Variants in CDK19 observed in about 807,000 individuals in gnomAD.
CDK19 encodes the protein cyclin-dependent kinase 19.
A neutral mutation model predicts 68.3 loss-of-function variants in CDK19; 20 were observed. The observed-to-expected ratio is 0.29, with a 90% CI of 0.21 to 0.43. The LOEUF (loss-of-function observed/expected upper bound fraction) is 0.43. Among genes scored for constraint, CDK19 ranks in the 20% least tolerant of loss-of-function variants. The probability of loss-of-function intolerance (pLI) is 1.00; values close to 1 mark genes in which losing one functional copy is unlikely to be tolerated. For missense variants in CDK19, 339 were observed against 623.5 expected, an observed-to-expected ratio of 0.54 and a Z score of 4.86; for synonymous variants, 221 against 222.8, an observed-to-expected ratio of 0.99 and a Z score of 0.07.
chr6:110,814,427 T>C (rs1218734340), intron 1 of CDK19, among the ~76,000 whole-genome samples: 1 of 152,172 alleles, frequency 6.6e-6, no homozygotes, highest in South Asian at 2.1e-4. Context: ...ATGGGAGGAC[T>C]GCATAGAGAA....
At position 110,621,375 on chromosome 6, in the gene CDK19, TA is replaced by T. The variant is rs761769101; in HGVS notation, c.1111-6del. ...GTTCTGCTGCTGTTGCTGATTCTTTTAAGGGGAAAAAAGCAAGCTTGGTATG... is the reference window on the plus strand; with the variant it reads ...GTTCTGCTGCTGTTGCTGATTCTTTTAGGGGAAAAAAGCAAGCTTGGTATG... On this transcript the variant is annotated splice_region_variant and splice_polypyrimidine_tract_variant and intron_variant, in intron 11 of 12. Transcript: ENST00000368911. The surrounding 1 kb of genome is among the most constrained non-coding windows in gnomAD (Gnocchi z 5.4). 1.4e-5 allele frequency: 22 copies of T among 1,529,906 alleles called. No individual in the cohort carries two copies. The South Asian group carries it at 2.1e-4, about 14-fold the overall frequency. 94.8% of individuals were successfully genotyped at this position (1,529,906 alleles called of 1,614,324 possible). A position where few individuals can be genotyped will look rare whatever the true frequency, so the allele number is the denominator to read the frequency against.
chr6:110,642,616 A>G (rs546108890), intron 4 of CDK19, among the ~76,000 whole-genome samples: 1 of 152,194 alleles, frequency 6.6e-6, no homozygotes, highest in Non-Finnish European at 1.5e-5. Context: ...ATGGCTGACT[A>G]AGTGCTCTGA....
intron 2 of CDK19, among the ~76,000 whole-genome samples, chr6:110,733,824 A>G (rs1235131753): frequency 1.3e-5 from 2 of 152,180 alleles, no homozygotes; most frequent in East Asian, 3.9e-4. Flanking sequence ...AGTATTTTCT[A>G]TCTTCAAGTG....
At chr6:110,705,947 G>A (rs1292997824) in intron 2 of CDK19, among the ~76,000 whole-genome samples, 4 of 151,886 alleles carry the variant, frequency 2.6e-5, no homozygotes, top group Non-Finnish European at 5.9e-5. Context: ...GTATACCTAT[G>A]TAATAAACCT....
intron 1 of CDK19, among the ~76,000 whole-genome samples, chr6:110,788,711 G>C (rs576299368): frequency 8.5e-5 from 13 of 152,048 alleles, no homozygotes; most frequent in South Asian, 6.3e-4. Context: ...TACACCTTTT[G>C]GCATAGCTGG....
intron 2 of CDK19, among the ~76,000 whole-genome samples, chr6:110,719,753 CAG>C (rs1483595446): frequency 3.9e-5 from 6 of 151,972 alleles, no homozygotes; most frequent in Non-Finnish European, 8.8e-5. Context: ...TGTTTTGAGA[CAG>C]AGTCTCACTC....
chr6:110,636,114 T>C (rs1779762019), intron 5 of CDK19, among the ~76,000 whole-genome samples: 1 of 151,998 alleles, frequency 6.6e-6, no homozygotes. Flanking sequence ...TGCTAAGGAG[T>C]ACTAAGAGAA....
At chr6:110,692,919 C>G (rs1773136188) in intron 2 of CDK19, among the ~76,000 whole-genome samples, 1 of 152,104 alleles carries the variant, frequency 6.6e-6, no homozygotes, top group Non-Finnish European at 1.5e-5. Context: ...ATCACTTGAA[C>G]CCGGGAGAAG....
intron 1 of CDK19, among the ~76,000 whole-genome samples, 166 bp from the exon 2 acceptor site, chr6:110,746,367 T>C (rs976889540): frequency 2.0e-5 from 3 of 152,198 alleles, no homozygotes; most frequent in Non-Finnish European, 4.4e-5. Flanking sequence ...TACAGAAATA[T>C]GAGATACCAA....
intron 12 of CDK19, among the ~76,000 whole-genome samples, chr6:110,615,626 T>A (rs1159034549): frequency 1.3e-5 from 2 of 152,362 alleles, no homozygotes; most frequent in African/African-American, 2.4e-5. Flanking sequence ...TCTTGGTCAT[T>A]GCTGGGCATG....
intron 4 of CDK19, among the ~76,000 whole-genome samples, chr6:110,662,061 C>T (rs977117726): frequency 1.8e-4 from 28 of 152,136 alleles, no homozygotes; most frequent in Non-Finnish European, 2.9e-4. Context: ...TCTCTGCCTC[C>T]CAGGTTCAAG....
At chr6:110,622,006 A>ATAG in intron 11 of CDK19, 82 bp downstream of exon 11, 1 of 716,358 alleles carries the variant, frequency 1.4e-6, no homozygotes, top group South Asian at 2.3e-5. Flanking sequence ...GGTTAAATGT[A>ATAG]TAGGAATTAT....
At chr6:110,716,083 A>G (rs1249067228) in intron 2 of CDK19, among the ~76,000 whole-genome samples, 2 of 152,120 alleles carry the variant, frequency 1.3e-5, no homozygotes, top group Non-Finnish European at 2.9e-5. Flanking sequence ...TAATATTATA[A>G]TTTCTCTTCT....
chr6:110,699,525 A>G (rs1296765603), intron 2 of CDK19, among the ~76,000 whole-genome samples: 1 of 152,008 alleles, frequency 6.6e-6, no homozygotes, highest in African/African-American at 2.4e-5. Flanking sequence ...GAGCTAAGCT[A>G]TGGATACACA....
intron 4 of CDK19, among the ~76,000 whole-genome samples, chr6:110,639,366 GGAGA>G (rs149176566): frequency 1.6e-4 from 25 of 152,326 alleles, no homozygotes; most frequent in African/African-American, 5.8e-4. Flanking sequence ...TTTGGAAGGG[GGAGA>G]GAGTGAGTCT....
At chr6:110,654,785 A>G (rs1781196028) in intron 4 of CDK19, among the ~76,000 whole-genome samples, 1 of 152,200 alleles carries the variant, frequency 6.6e-6, no homozygotes, top group African/African-American at 2.4e-5. Flanking sequence ...TACTAAAAAT[A>G]CAAAAAATTA....
intron 2 of CDK19, among the ~76,000 whole-genome samples, chr6:110,744,203 C>T (rs1437536766): frequency 1.3e-5 from 2 of 151,814 alleles, no homozygotes; most frequent in African/African-American, 4.8e-5. Flanking sequence ...GGTGGGATTT[C>T]CCCATATTGG....
At chr6:110,707,895 C>A (rs1420317880) in intron 2 of CDK19, among the ~76,000 whole-genome samples, 1 of 152,062 alleles carries the variant, frequency 6.6e-6, no homozygotes, top group Non-Finnish European at 1.5e-5. Context: ...TCTCTTGAAC[C>A]CGGGAGGCAG....
chr6:110,759,426 A>ATATAT (rs1401012805), intron 1 of CDK19, among the ~76,000 whole-genome samples: 54 of 92,618 alleles, frequency 5.8e-4, no homozygotes, highest in Non-Finnish European at 8.7e-4. Context: ...AAAAAAAAAA[A>ATATAT]AAATATATAT....
Sources: gnomAD v4.1 joint callset for allele counts (sites outside exome capture counted in the v4.1 genomes callset) on GRCh38, gnomAD v4.1.1 for gene constraint, Gnocchi (gnomAD v3.1) non-coding constraint, MANE v1.5 for transcripts, NCBI Gene and HGNC (gene_info 2026-07-23, HGNC 2026-07-21) for gene names.